SLC67A2: variants seen among roughly 807,000 people sequenced by gnomAD.
SLC67A2 encodes the protein solute carrier family 67 member A2.
the SLC67A2 span, chr2:102,719,295 T>C: frequency 0.12 from 155,547 of 1,314,388 alleles, 10,238 homozygotes; most frequent in South Asian, 0.13. Context: ...TTATTTGTGT[T>C]AGATTACTAA....
chr2:102,718,772 CTGGAATGCAGCAGCAG>C, the SLC67A2 span: 1 of 1,613,738 alleles, frequency 6.2e-7, no homozygotes, highest in South Asian at 1.1e-5. Context: ...GGTGAGTATG[CTGGAATGCAGCAGCAG>C]TGCCTGCGAG....
chr2:102,723,593 T>C, the SLC67A2 span: 2 of 1,123,434 alleles, frequency 1.8e-6, no homozygotes, highest in South Asian at 1.5e-5. Flanking sequence ...TTTTGGACGA[T>C]GAGTCTGTCT....
chr2:102,723,669 C>G, the SLC67A2 span: 1 of 1,602,316 alleles, frequency 6.2e-7, no homozygotes, highest in African/African-American at 1.3e-5. Context: ...TATGAATACA[C>G]AAAACAATCT....
At chr2:102,732,165 A>G in the SLC67A2 span, 7 of 742,248 alleles carry the variant, frequency 9.4e-6, no homozygotes, top group East Asian at 1.1e-4. Context: ...TGCATTTGCT[A>G]TAGGGTAATA....
the SLC67A2 span, chr2:102,726,998 T>C: frequency 3.1e-6 from 5 of 1,607,844 alleles, no homozygotes; most frequent in Admixed American, 1.7e-5. Context: ...GAAAAAGCCC[T>C]TGGACCCCAT....
the SLC67A2 span, chr2:102,736,684 G>T: frequency 3.1e-6 from 5 of 1,613,490 alleles, no homozygotes; most frequent in African/African-American, 6.7e-5. Context: ...AGGAAGCGGC[G>T]GGCTCCGACG....
At chr2:102,733,582 T>A in the SLC67A2 span, among the ~76,000 whole-genome samples, 18 of 152,320 alleles carry the variant, frequency 1.2e-4, no homozygotes, top group Non-Finnish European at 2.1e-4. Flanking sequence ...TTGCCATTAC[T>A]TAAAATTTCC....
the SLC67A2 span, chr2:102,732,109 A>C: frequency 1.5e-6 from 1 of 665,046 alleles, no homozygotes; most frequent in Non-Finnish European, 2.8e-6. Flanking sequence ...ATAGTGCTCA[A>C]ATCTCAAAAT....
the SLC67A2 span, chr2:102,718,499 G>GC: frequency 6.2e-7 from 1 of 1,614,142 alleles, no homozygotes; most frequent in Non-Finnish European, 8.5e-7. Flanking sequence ...GGCCACTAAG[G>GC]CTAACACAGC....
chr2:102,736,563 T>C, the SLC67A2 span: 5 of 1,611,062 alleles, frequency 3.1e-6, no homozygotes, highest in Admixed American at 8.4e-5. Flanking sequence ...CCCTGGGAGC[T>C]CCCCGGAAGC....
At chr2:102,723,860 CA>C in the SLC67A2 span, 1 of 1,614,104 alleles carries the variant, frequency 6.2e-7, no homozygotes, top group Non-Finnish European at 8.5e-7. Context: ...TCTCTGGAAC[CA>C]CATCAGAAAG....
the SLC67A2 span, chr2:102,718,555 CGA>C: frequency 8.7e-6 from 14 of 1,612,920 alleles, no homozygotes; most frequent in Admixed American, 1.7e-5. Context: ...GGGCAACCCC[CGA>C]GAGGAGAGGG....
the SLC67A2 span, among the ~76,000 whole-genome samples, chr2:102,730,666 C>G: frequency 1.3e-5 from 2 of 151,892 alleles, no homozygotes; most frequent in South Asian, 2.1e-4. Flanking sequence ...CCTCAGCCTC[C>G]CGAGTAGCTG....
the SLC67A2 span, chr2:102,732,265 T>C: frequency 5.4e-5 from 75 of 1,387,882 alleles, no homozygotes; most frequent in African/African-American, 8.7e-4. Context: ...TTTCAGGTAC[T>C]TGGTTCAGAG....
At chr2:102,718,594 A>C in the SLC67A2 span, 1 of 1,613,350 alleles carries the variant, frequency 6.2e-7, no homozygotes, top group South Asian at 1.1e-5. Context: ...CTGCAGTCAC[A>C]GACTGCCCCA....
the SLC67A2 span, chr2:102,718,637 C>T: frequency 1.2e-6 from 2 of 1,613,660 alleles, no homozygotes; most frequent in African/African-American, 1.3e-5. Flanking sequence ...CTGGGCCCCG[C>T]CCACAGTCAG....
At chr2:102,736,881 G>A in the SLC67A2 span, 4 of 1,488,632 alleles carry the variant, frequency 2.7e-6, no homozygotes, top group African/African-American at 4.3e-5. Flanking sequence ...CCCGCCCCGA[G>A]CGGAAGCAGG....
the SLC67A2 span, among the ~76,000 whole-genome samples, chr2:102,734,580 GT>G: frequency 6.6e-6 from 1 of 151,824 alleles, no homozygotes; most frequent in African/African-American, 2.4e-5. Flanking sequence ...TTCCTTAGAT[GT>G]TACCTAACAA....
chr2:102,731,103 T>C, the SLC67A2 span: 1 of 1,593,020 alleles, frequency 6.3e-7, no homozygotes, highest in South Asian at 1.1e-5. Flanking sequence ...TAAAATCAGC[T>C]AGAGCTATCA....
Sources: gnomAD v4.1 joint callset for allele counts (sites outside exome capture counted in the v4.1 genomes callset) on GRCh38, gnomAD v4.1.1 for gene constraint, MANE v1.5 for transcripts, NCBI Gene and HGNC (gene_info 2026-07-23, HGNC 2026-07-21) for gene names.